The following MAGI1 variants were observed in gnomAD, a reference collection of about 807,000 sequenced individuals.
The protein encoded by MAGI1 is membrane associated guanylate kinase, WW and PDZ domain containing 1.
In MAGI1, 58 loss-of-function variants were observed where a neutral mutation model predicts 139.9. The observed-to-expected ratio is 0.41, with a 90% CI of 0.34 to 0.52. The LOEUF is 0.52. MAGI1 is among the 20% of genes least tolerant of loss of function. MAGI1 has a pLI of 0.12. For synonymous variants in MAGI1, 812 were observed against 737.9 expected, an observed-to-expected ratio of 1.10 and a Z score of -1.63; for missense variants, 1,874 against 1,901.6, an observed-to-expected ratio of 0.99 and a Z score of 0.27.
At chr3:65,691,303 A>AG in intron 1 of MAGI1, among the ~76,000 whole-genome samples, 1 of 118,542 alleles carries the variant, frequency 8.4e-6, no homozygotes, top group Non-Finnish European at 1.7e-5. Flanking sequence ...ACTCCGTCTC[A>AG]AAAAAAAAAA....
intron 1 of MAGI1, among the ~76,000 whole-genome samples, chr3:66,034,942 G>A (rs1372451224): frequency 2.0e-5 from 3 of 152,102 alleles, no homozygotes; most frequent in Non-Finnish European, 4.4e-5. Flanking sequence ...AAAAATTTCT[G>A]GGGTGATGAA....
intron 1 of MAGI1, among the ~76,000 whole-genome samples, chr3:65,846,577 G>T (rs1409159219): frequency 6.6e-6 from 1 of 152,194 alleles, no homozygotes; most frequent in Non-Finnish European, 1.5e-5. Flanking sequence ...AGTAGCAACT[G>T]CCTCAAAGTA....
chr3:65,359,939 A>G (rs1293832157), intron 22 of MAGI1: 1 of 985,298 alleles, frequency 1.0e-6, no homozygotes, highest in Non-Finnish European at 1.2e-6. Flanking sequence ...AGTGGTATCA[A>G]TACACCTAAT....
At chr3:65,986,794 G>A (rs1477411210) in intron 1 of MAGI1, among the ~76,000 whole-genome samples, 1 of 152,026 alleles carries the variant, frequency 6.6e-6, no homozygotes, top group African/African-American at 2.4e-5. Flanking sequence ...TTCTGGACTG[G>A]TACTTTGAGA....
At chr3:65,460,742 C>T (rs747311707) in intron 5 of MAGI1, among the ~76,000 whole-genome samples, 10 of 152,076 alleles carry the variant, frequency 6.6e-5, no homozygotes, top group Non-Finnish European at 1.3e-4. Context: ...TGTTCCCCTC[C>T]CTGTGCCCAT....
chr3:66,017,241 G>C (rs2067695666), intron 1 of MAGI1, among the ~76,000 whole-genome samples: 1 of 152,226 alleles, frequency 6.6e-6, no homozygotes. Flanking sequence ...GAGTTAGTCA[G>C]TGCGGGAAGA....
intron 1 of MAGI1, among the ~76,000 whole-genome samples, chr3:65,716,221 C>A (rs1483603674): frequency 3.9e-5 from 6 of 152,196 alleles, no homozygotes; most frequent in African/African-American, 1.4e-4. Flanking sequence ...GGGATAGTTT[C>A]ACACAGAGAA....
chr3:65,481,217 C>T (rs1409626113), intron 3 of MAGI1, among the ~76,000 whole-genome samples: 1 of 152,106 alleles, frequency 6.6e-6, no homozygotes, highest in Non-Finnish European at 1.5e-5. Context: ...AGAATTGAGT[C>T]GAATCAGCTT....
intron 1 of MAGI1, among the ~76,000 whole-genome samples, chr3:65,866,107 A>C (rs2059715328): frequency 6.6e-6 from 1 of 151,750 alleles, no homozygotes; most frequent in Non-Finnish European, 1.5e-5. Context: ...GCAATATATA[A>C]ATACATTAAA....
chr3:65,789,636 A>G lies in MAGI1; in HGVS notation c.314-167548T>C, dbSNP rs562459328. On this transcript the variant is annotated intron_variant, in intron 1 of 22. Transcript: ENST00000402939. ...AATCCAAGTCTCTGAGCCCAAACTT[A>G]CTGAGCCACTTTAAGTATTAAAGGA... Among the ~76,000 whole-genome samples the G allele has an allele frequency of 3.3e-5, 5 of 152,330 alleles. No homozygotes were observed. In the South Asian group the frequency reaches 1.0e-3, roughly 32 times the overall value.
At chr3:65,761,665 C>T (rs965232467) in intron 1 of MAGI1, among the ~76,000 whole-genome samples, 4 of 152,162 alleles carry the variant, frequency 2.6e-5, no homozygotes, top group Admixed American at 6.5e-5. Context: ...CATCAGCCAG[C>T]GGGTTCCTCA....
intron 1 of MAGI1, among the ~76,000 whole-genome samples, chr3:65,662,565 T>G (rs1358126538): frequency 6.6e-6 from 1 of 152,230 alleles, no homozygotes; most frequent in African/African-American, 2.4e-5. Context: ...TGTTTGTTTG[T>G]TTGTATGTTC....
chr3:65,750,868 A>C (rs114018507), intron 1 of MAGI1, among the ~76,000 whole-genome samples: 1 of 152,220 alleles, frequency 6.6e-6, no homozygotes, highest in Non-Finnish European at 1.5e-5. Flanking sequence ...GTACTACTTG[A>C]AATTTTTGCA....
At chr3:65,988,937 C>G (rs1490427544) in intron 1 of MAGI1, among the ~76,000 whole-genome samples, 1 of 152,168 alleles carries the variant, frequency 6.6e-6, no homozygotes, top group African/African-American at 2.4e-5. Context: ...GACCCTTACT[C>G]AATTCTGGGA....
At chr3:65,952,543 G>A (rs1328637492) in intron 1 of MAGI1, among the ~76,000 whole-genome samples, 1 of 152,184 alleles carries the variant, frequency 6.6e-6, no homozygotes, top group Non-Finnish European at 1.5e-5. Flanking sequence ...GGCCGGGCAC[G>A]GTGGCTCGCG....
chr3:65,960,119 T>C (rs951735251), intron 1 of MAGI1, among the ~76,000 whole-genome samples: 12 of 152,058 alleles, frequency 7.9e-5, no homozygotes, highest in African/African-American at 2.9e-4. Context: ...TAAATTCTCT[T>C]TTAATACTAG....
intron 1 of MAGI1, among the ~76,000 whole-genome samples, chr3:65,978,388 C>T (rs62243795): frequency 0.13 from 19,061 of 152,134 alleles, 1,510 homozygotes; most frequent in East Asian, 0.26. Flanking sequence ...AGAGCAGAGA[C>T]CTGCTCTGTC....
At chr3:65,554,525 TTAATGAG>T (rs1184218478) in intron 2 of MAGI1, among the ~76,000 whole-genome samples, 1 of 152,176 alleles carries the variant, frequency 6.6e-6, no homozygotes, top group Non-Finnish European at 1.5e-5. Context: ...ATCACCTCTC[TTAATGAG>T]TCAGCTAAGA....
At chr3:65,838,271 C>T (rs1475579378) in intron 1 of MAGI1, among the ~76,000 whole-genome samples, 1 of 152,146 alleles carries the variant, frequency 6.6e-6, no homozygotes, top group African/African-American at 2.4e-5. Flanking sequence ...GAGATCCCGC[C>T]ACTGCAGTCC....
Sources: allele counts gnomAD v4.1 joint callset (sites outside exome capture counted in the v4.1 genomes callset), GRCh38; gene constraint gnomAD v4.1.1; transcripts MANE v1.5; gene names NCBI Gene and HGNC (gene_info 2026-07-23, HGNC 2026-07-21).